Variants in TRIM24 observed in about 807,000 individuals in gnomAD.
The protein encoded by TRIM24 is transcription intermediary factor 1-alpha.
TRIM24 carries 29 observed loss-of-function variants against 123.9 expected under a neutral mutation model. The ratio of observed to expected loss-of-function variants is 0.23; its 90% confidence interval spans 0.17 to 0.32. The LOEUF (loss-of-function observed/expected upper bound fraction) is 0.32. Ranked by LOEUF, TRIM24 falls within the 10% of genes least tolerant of loss-of-function variation. The probability of loss-of-function intolerance (pLI) is 1.00; values close to 1 mark genes in which losing one functional copy is unlikely to be tolerated. For synonymous variants in TRIM24, 456 were observed against 461.1 expected (o/e 0.99, Z 0.14); for missense variants, 932 against 1,295.3 (o/e 0.72, Z 4.31).
At position 138,584,818 on chromosome 7, in the gene TRIM24, A is replaced by G. The variant is rs1396269205; in HGVS notation, c.3020A>G (p.Glu1007Gly). ...FEELLKNLYP[E>G]KRFPKPEFRN... ...GAACTTCTAAAGAACCTCTATCCAGAAAAAAGGTTTCCCAAACCAGAATTC... is the reference window on the plus strand; with the variant it reads ...GAACTTCTAAAGAACCTCTATCCAGGAAAAAGGTTTCCCAAACCAGAATTC... The change falls in exon 19 of 19, where the codon GAA becomes GGA. Residue 1007 changes from glutamate to glycine, a missense_variant. Glu to Gly is a moderately conservative substitution (Grantham distance 98). Around this residue, in one of 7 missense-constraint regions of TRIM24, gnomAD observed 104 missense variants for 121.5 expected, o/e 0.86. Coordinates refer to ENST00000343526, the MANE Select transcript of TRIM24 (RefSeq NM_015905.3). 6.2e-7 allele frequency: 1 copy of G among 1,613,078 alleles called. No individual in the cohort carries two copies. Among genetic ancestry groups the G allele is most frequent in the Non-Finnish European group, 8.5e-7 (1 of 1,179,546 alleles).
intron 1 of TRIM24, among the ~76,000 whole-genome samples, chr7:138,469,841 T>A (rs538676081): frequency 8.1e-4 from 124 of 152,328 alleles, no homozygotes; most frequent in African/African-American, 2.9e-3. Context: ...ATTTCACATA[T>A]GCTGTATGGA....
intron 5 of TRIM24, 116 bp downstream of exon 5, chr7:138,525,473 C>T (rs1004232087): frequency 7.6e-5 from 35 of 461,194 alleles, no homozygotes; most frequent in South Asian, 1.4e-4. Flanking sequence ...TGCAATAACA[C>T]ATGACTGATA....
chr7:138,579,393 G>A lies in TRIM24; in HGVS notation c.2446G>A (p.Gly816Arg). ...DPSQKSPLHV[G>R]ETRKEDDPNE... is the part of the protein sequence containing the mutation. ...TTCCCAGAAGTCACCTCTTCATGTT[G>A]GAGAGACAAGGAAAGAGGATGACCC... Residue 816 changes from glycine (G) to arginine (R), a missense_variant, in exon 15 of 19, where the codon GGA (glycine) becomes AGA (arginine). Coordinates refer to ENST00000343526, the MANE Select transcript of TRIM24 (RefSeq NM_015905.3). 1 of 1,614,086 alleles carries A rather than the reference G, an allele frequency of 6.2e-7. No homozygotes were observed. Among genetic ancestry groups the A allele is most frequent in the Non-Finnish European group, 8.5e-7 (1 of 1,180,010 alleles).
At chr7:138,468,847 C>G (rs1795208597) in intron 1 of TRIM24, among the ~76,000 whole-genome samples, 1 of 152,174 alleles carries the variant, frequency 6.6e-6, no homozygotes, top group Non-Finnish European at 1.5e-5. Context: ...CTCCCAAGTG[C>G]TTTGCCCTAT....
chr7:138,536,862 C>A (rs377314460), intron 6 of TRIM24, among the ~76,000 whole-genome samples: 1 of 152,336 alleles, frequency 6.6e-6, no homozygotes, highest in East Asian at 1.9e-4. Context: ...GCGGGCTCCA[C>A]CCAGTTCGAG....
At chr7:138,497,093 A>C (rs1795923209) in intron 1 of TRIM24, among the ~76,000 whole-genome samples, 1 of 152,220 alleles carries the variant, frequency 6.6e-6, no homozygotes, top group African/African-American at 2.4e-5. Flanking sequence ...GCCTCATAAA[A>C]TAAGGTTGGA....
chr7:138,464,101 T>C (rs1563019235), intron 1 of TRIM24, among the ~76,000 whole-genome samples: 1 of 148,590 alleles, frequency 6.7e-6, no homozygotes, highest in East Asian at 2.0e-4. Flanking sequence ...TTCAGGCCAT[T>C]CTCCTGCCTC....
rs568355830 is a variant in TRIM24, at chr7:138,471,479, T to C, written c.364+10567T>C. Among the ~76,000 whole-genome samples, 7 of 152,120 alleles carry C rather than the reference T, an allele frequency of 4.6e-5. No individual in the cohort carries two copies. In the South Asian group the frequency reaches 1.4e-3, roughly 31 times the overall value. On this transcript the variant is annotated intron_variant, in intron 1 of 18. Coordinates refer to ENST00000343526, the MANE Select transcript of TRIM24 (RefSeq NM_015905.3). ...CAAAGGACTTTCTTCTGATTTTTTT[T>C]CTAATATAAATAATCTATAGGTTCT...
chr7:138,490,688 T>C, intron 1 of TRIM24: 1 of 418,764 alleles, frequency 2.4e-6, no homozygotes, highest in Non-Finnish European at 4.6e-6. Flanking sequence ...GCTCCATGAG[T>C]TTTTCCAGTT....
At chr7:138,523,556 C>T (rs1796546131) in intron 4 of TRIM24, among the ~76,000 whole-genome samples, 1 of 152,068 alleles carries the variant, frequency 6.6e-6, no homozygotes, top group Non-Finnish European at 1.5e-5. Context: ...GAGATTGAGA[C>T]CATCCTGGCT....
At chr7:138,521,249 C>G (rs548610937) in intron 4 of TRIM24, among the ~76,000 whole-genome samples, 4 of 152,162 alleles carry the variant, frequency 2.6e-5, no homozygotes, top group Admixed American at 2.6e-4. Flanking sequence ...ATGAGTAAAT[C>G]TAAATGAATG....
At chr7:138,481,266 T>G (rs1469948758) in intron 1 of TRIM24, among the ~76,000 whole-genome samples, 1 of 151,854 alleles carries the variant, frequency 6.6e-6, no homozygotes, top group Non-Finnish European at 1.5e-5. Context: ...ATTATTTTTT[T>G]TATGAGACTT....
intron 1 of TRIM24, among the ~76,000 whole-genome samples, chr7:138,490,356 A>G (rs574486589): frequency 1.3e-5 from 2 of 152,230 alleles, no homozygotes; most frequent in East Asian, 3.9e-4. Context: ...ACTTCTGTCA[A>G]CTCATCAAAG....
At chr7:138,576,514 A>G (rs1797762824) in intron 13 of TRIM24, 69 bp downstream of exon 13, 1 of 1,389,420 alleles carries the variant, frequency 7.2e-7, no homozygotes, top group African/African-American at 1.4e-5. Context: ...CCAGTGTTCA[A>G]CATGTTTTGA....
In TRIM24 at chr7:138,466,463, C is replaced by CTTTTTTTTTTTTTTTTTTTT. The variant is rs577317171; in HGVS notation, c.364+5569_364+5570insTTTTTTTTTTTTTTTTTTTT. ...TTTGCAAATTTCAAAACTTAAGTTG[C>CTTTTTTTTTTTTTTTTTTTT]TTTTTTTTTTTTTTTTTTGGAGACA... On this transcript the variant is annotated intron_variant, in intron 1 of 18. Coordinates refer to ENST00000343526, the MANE Select transcript of TRIM24 (RefSeq NM_015905.3). Among the ~76,000 whole-genome samples the CTTTTTTTTTTTTTTTTTTTT allele has an allele frequency of 1.5e-4, 11 of 74,062 alleles. 3 individuals are homozygous for CTTTTTTTTTTTTTTTTTTTT. The highest frequency in any genetic ancestry group is 4.5e-4 in the Admixed American group (2 of 4,462). The allele number at this position is 74,062 out of a possible 152,430, so 48.6% of individuals were successfully genotyped here.
At chr7:138,480,379 T>C (rs1314709175) in intron 1 of TRIM24, among the ~76,000 whole-genome samples, 1 of 152,212 alleles carries the variant, frequency 6.6e-6, no homozygotes, top group African/African-American at 2.4e-5. Context: ...TTTTATTTCT[T>C]CCTATCTTCA....
At chr7:138,570,057 C>T (rs1304378414) in intron 10 of TRIM24, among the ~76,000 whole-genome samples, 1 of 151,550 alleles carries the variant, frequency 6.6e-6, no homozygotes, top group Non-Finnish European at 1.5e-5. Context: ...CAGTGATTCT[C>T]CTGCCACAGC....
At position 138,554,933 on chromosome 7, in the gene TRIM24, G is replaced by A. The variant is rs905899232; in HGVS notation, c.1497G>A (p.Gln499=). The change falls in exon 9 of 19, where the codon CAG becomes CAA. Residue 499 remains glutamine (Q), a synonymous_variant. Transcript: ENST00000343526. This position sits in a 1 kb window ranked among gnomAD's most constrained non-coding sequence, Gnocchi z 4.5. ...TGGGTTTACCAAACCCTAGAATGCA[G>A]GGGCCCATCCAGCAACCTTCCATCT... ...APVGLPNPRM[Q]GPIQQPSISH... is the part of the protein sequence containing the mutation. 6.2e-7 allele frequency: 1 copy of A among 1,614,122 alleles called. No individual in the cohort carries two copies. Among genetic ancestry groups the A allele is most frequent in the Non-Finnish European group, 8.5e-7 (1 of 1,179,994 alleles).
At chr7:138,536,455 G>C (rs187278334) in intron 6 of TRIM24, among the ~76,000 whole-genome samples, 56 of 152,356 alleles carry the variant, frequency 3.7e-4, no homozygotes, top group African/African-American at 1.1e-3. Flanking sequence ...TCAGCTGCAG[G>C]TCTGTTGGAG....
Sources: allele counts gnomAD v4.1 joint callset (sites outside exome capture counted in the v4.1 genomes callset), GRCh38; gene constraint gnomAD v4.1.1; regional missense constraint gnomAD v4.1.1; non-coding constraint Gnocchi (gnomAD v3.1); transcripts MANE v1.5; gene names NCBI Gene and HGNC (gene_info 2026-07-23, HGNC 2026-07-21).